DMD: variants seen among roughly 807,000 people sequenced by gnomAD.
The protein encoded by DMD is mutant dystrophin.
A neutral mutation model predicts 330.1 loss-of-function variants in DMD; 63 were observed. That is an observed-to-expected ratio of 0.19 (90% confidence interval 0.16 to 0.24). The LOEUF (loss-of-function observed/expected upper bound fraction) is 0.24. Ranked by LOEUF, DMD falls within the 10% of genes least tolerant of loss-of-function variation. DMD has a pLI of 1.00. For missense variants in DMD, 3,344 were observed against 2,684.1 expected (o/e 1.25, Z -5.43); for synonymous variants, 1,223 against 959.8 (o/e 1.27, Z -5.07).
intron 62 of DMD, among the ~76,000 whole-genome samples, chrX:31,262,756 C>T (rs1198281661): frequency 8.9e-6 from 1 of 112,415 alleles, no homozygotes; most frequent in African/African-American, 3.2e-5. Flanking sequence ...CACCCCATGA[C>T]CAAGCCGGTT....
chrX:33,018,113 G>A (rs1435767670), intron 2 of DMD, among the ~76,000 whole-genome samples: 1 of 111,851 alleles, frequency 8.9e-6, no homozygotes, highest in African/African-American at 3.2e-5. Context: ...AAAATTAGAA[G>A]TTAGTGCACA....
At chrX:31,258,684 T>C (rs2050207419) in intron 63 of DMD, among the ~76,000 whole-genome samples, 2 of 112,193 alleles carry the variant, frequency 1.8e-5, no homozygotes, top group Admixed American at 1.9e-4. Context: ...TTGAGTGATG[T>C]CACAAGCCCA....
At chrX:32,758,087 G>C (rs753591374) in intron 7 of DMD, among the ~76,000 whole-genome samples, 1 of 112,144 alleles carries the variant, frequency 8.9e-6, no homozygotes, top group Admixed American at 9.4e-5. Context: ...GTTCAACAAT[G>C]TTATCTTTAT....
At chrX:31,128,068 C>G (rs1366733029) in intron 77 of DMD, among the ~76,000 whole-genome samples, 3 of 111,729 alleles carry the variant, frequency 2.7e-5, no homozygotes, top group Admixed American at 1.9e-4. Context: ...AAATGATGTT[C>G]CCATCATTTG....
chrX:32,378,952 A>C (rs1181713983), intron 34 of DMD, among the ~76,000 whole-genome samples: 1 of 110,254 alleles, frequency 9.1e-6, no homozygotes, highest in Non-Finnish European at 1.9e-5. Flanking sequence ...TGATTATCAT[A>C]AATGTGACTG....
At chrX:32,184,050 A>C (rs1027965807) in intron 44 of DMD, among the ~76,000 whole-genome samples, 2 of 110,640 alleles carry the variant, frequency 1.8e-5, no homozygotes, top group Non-Finnish European at 3.8e-5. Context: ...AAAATAATAT[A>C]ATTTGAGGGA....
At chrX:33,239,928 C>T (rs2052559451) in intron 1 of DMD, among the ~76,000 whole-genome samples, 1 of 110,770 alleles carries the variant, frequency 9.0e-6, no homozygotes, top group African/African-American at 3.3e-5. Context: ...CACAAAACTG[C>T]TAAAAATACT....
intron 1 of DMD, among the ~76,000 whole-genome samples, chrX:33,087,055 C>T (rs1386383666): frequency 9.0e-6 from 1 of 111,467 alleles, no homozygotes; most frequent in Admixed American, 9.6e-5. Flanking sequence ...TCTAAACTCA[C>T]TGCTTTAGGC....
chrX:32,479,417 C>T (rs986689863), intron 21 of DMD, among the ~76,000 whole-genome samples: 1 of 111,145 alleles, frequency 9.0e-6, no homozygotes, highest in African/African-American at 3.3e-5. Flanking sequence ...ATTTGATCAA[C>T]ACCTTCCCTT....
intron 9 of DMD, among the ~76,000 whole-genome samples, chrX:32,655,791 T>C (rs2060523499): frequency 9.0e-6 from 1 of 111,390 alleles, no homozygotes; most frequent in African/African-American, 3.3e-5. Flanking sequence ...TTTGTAGGTC[T>C]ATAAGGACTT....
chrX:32,348,557 T>C, intron 37 of DMD, 29 bp from the exon 38 acceptor site: 1 of 1,158,855 alleles, frequency 8.6e-7, no homozygotes, highest in East Asian at 3.1e-5. Context: ...CTACTTTAAA[T>C]CAAAATTACT....
At chrX:31,505,137 C>A (rs1388711661) in intron 56 of DMD, among the ~76,000 whole-genome samples, 1 of 112,207 alleles carries the variant, frequency 8.9e-6, no homozygotes, top group Non-Finnish European at 1.9e-5. Context: ...AATAACTTAA[C>A]TTGACCTGCC....
chrX:31,861,171 A>G (rs2093691371), intron 48 of DMD, among the ~76,000 whole-genome samples: 1 of 112,215 alleles, frequency 8.9e-6, no homozygotes, highest in Non-Finnish European at 1.9e-5. Context: ...TAGAAAAGGA[A>G]ATAAAAATGA....
intron 12 of DMD, among the ~76,000 whole-genome samples, chrX:32,606,702 T>C (rs964270419): frequency 1.0e-5 from 1 of 96,840 alleles, no homozygotes; most frequent in African/African-American, 3.9e-5. Context: ...TATGCACATG[T>C]ATATATGTGT....
intron 7 of DMD, among the ~76,000 whole-genome samples, chrX:32,771,556 G>A (rs1036882666): frequency 1.9e-5 from 2 of 106,271 alleles, no homozygotes; most frequent in African/African-American, 7.5e-5. Flanking sequence ...GCCCCAATAC[G>A]GCTTTTTTCA....
At chrX:31,195,013 G>A (rs1461033047) in intron 67 of DMD, among the ~76,000 whole-genome samples, 1 of 112,048 alleles carries the variant, frequency 8.9e-6, no homozygotes, top group Non-Finnish European at 1.9e-5. Context: ...CGCAGAAGCA[G>A]AACTTTTTGT....
chrX:32,280,586 T>C (rs1189556638), intron 43 of DMD, among the ~76,000 whole-genome samples: 1 of 111,124 alleles, frequency 9.0e-6, no homozygotes, highest in Non-Finnish European at 1.9e-5. Context: ...GTCAGCATCC[T>C]GTATGTGCTT....
At chrX:31,131,120 T>C (rs1446466814) in intron 77 of DMD, among the ~76,000 whole-genome samples, 1 of 111,770 alleles carries the variant, frequency 8.9e-6, no homozygotes, top group African/African-American at 3.3e-5. Flanking sequence ...AGAATAAAAC[T>C]ATAAAGGTCT....
intron 2 of DMD, among the ~76,000 whole-genome samples, chrX:32,990,353 AAG>A (rs2092942266): frequency 8.9e-6 from 1 of 111,937 alleles, no homozygotes; most frequent in African/African-American, 3.2e-5. Flanking sequence ...CAACATTTCT[AAG>A]AGAAGAAGAC....
Sources: allele counts gnomAD v4.1 joint callset (sites outside exome capture counted in the v4.1 genomes callset), GRCh38; gene constraint gnomAD v4.1.1; transcripts MANE v1.5; gene names NCBI Gene and HGNC (gene_info 2026-07-23, HGNC 2026-07-21).